The following LPIN1 variants were observed in gnomAD, a reference collection of about 807,000 sequenced individuals.
The protein encoded by LPIN1 is lipin 1, also known as phosphatidate phosphatase LPIN1.
Under a neutral mutation model 107.5 loss-of-function variants are expected in LPIN1, and 71 were observed. The ratio of observed to expected loss-of-function variants is 0.66; its 90% confidence interval spans 0.55 to 0.80. The LOEUF (loss-of-function observed/expected upper bound fraction) is 0.80. Ranked by LOEUF, LPIN1 falls within the 30% of genes least tolerant of loss-of-function variation. LPIN1 has a pLI of 0.00. For missense variants in LPIN1, 1,043 were observed against 1,160.6 expected, an observed-to-expected ratio of 0.90 and a Z score of 1.47; for synonymous variants, 445 against 452.6, an observed-to-expected ratio of 0.98 and a Z score of 0.21.
Position 11,804,484 on chromosome 2 carries a change from A to G in LPIN1, c.2075A>G (p.Gln692Arg), listed in dbSNP as rs1379887925. ...DVVFSVTTQY[Q>R]GTCRCEGTIY... ...GTTTTCAGTGTCACCACGCAGTACCAAGGCACGTGCCGCTGTGAGGGCACC... is the reference window on the plus strand; with the variant it reads ...GTTTTCAGTGTCACCACGCAGTACCGAGGCACGTGCCGCTGTGAGGGCACC... Residue 692 changes from glutamine (Q) to arginine (R), a missense_variant, in exon 16 of 21, where the codon CAA becomes CGA. Transcript: ENST00000674199. 2 of 1,614,204 alleles carry G rather than the reference A, an allele frequency of 1.2e-6. No individual in the cohort carries two copies. The highest frequency in any genetic ancestry group is 1.7e-6 in the Non-Finnish European group (2 of 1,180,018).
intron 1 of LPIN1, among the ~76,000 whole-genome samples, chr2:11,760,997 AATCC>A (rs1669736765): frequency 6.6e-6 from 1 of 152,204 alleles, no homozygotes; most frequent in African/African-American, 2.4e-5. Flanking sequence ...GGGGCGTGTC[AATCC>A]AGAGAGCCCC....
chr2:11,722,006 T>C (rs575205259), upstream of LPIN1: 1 of 151,960 alleles, frequency 6.6e-6, no homozygotes, highest in East Asian at 1.9e-4. Context: ...CCAATTGGTT[T>C]TGCAAGAGAT....
intron 1 of LPIN1, among the ~76,000 whole-genome samples, chr2:11,705,279 T>G (rs532417753): frequency 2.4e-4 from 37 of 152,328 alleles, no homozygotes; most frequent in African/African-American, 8.4e-4. Flanking sequence ...TGAGCTCAAC[T>G]GTATATTGAA....
intron 1 of LPIN1, among the ~76,000 whole-genome samples, chr2:11,690,321 A>C (rs1662206852): frequency 6.6e-6 from 1 of 152,192 alleles, no homozygotes; most frequent in Admixed American, 6.5e-5. Context: ...AGCTCATTAT[A>C]AAATTATAGG....
intron 1 of LPIN1, among the ~76,000 whole-genome samples, chr2:11,695,282 G>GA (rs1207472692): frequency 6.6e-6 from 1 of 152,160 alleles, no homozygotes; most frequent in African/African-American, 2.4e-5. Context: ...AAGTGCAATG[G>GA]AAAAAAATGA....
At chr2:11,728,327 T>C (rs937618313) in intron 1 of LPIN1, among the ~76,000 whole-genome samples, 1 of 152,188 alleles carries the variant, frequency 6.6e-6, no homozygotes, top group African/African-American at 2.4e-5. Context: ...TTTTAACTGG[T>C]ATATTCATTG....
chr2:11,720,171 C>T (rs1664027075), upstream of LPIN1, among the ~76,000 whole-genome samples: 1 of 152,098 alleles, frequency 6.6e-6, no homozygotes, highest in African/African-American at 2.4e-5. Flanking sequence ...GCAGTGATAC[C>T]TTTAACACCA....
At chr2:11,688,618 G>T (rs1662126661) in intron 1 of LPIN1, among the ~76,000 whole-genome samples, 1 of 152,210 alleles carries the variant, frequency 6.6e-6, no homozygotes, top group African/African-American at 2.4e-5. Context: ...GTCACGCTGA[G>T]ACCCGGGACA....
chr2:11,815,593 C>T (rs970504581), intron 18 of LPIN1, among the ~76,000 whole-genome samples: 5 of 152,032 alleles, frequency 3.3e-5, no homozygotes, highest in African/African-American at 9.7e-5. Context: ...TTGGGTCACT[C>T]TCCTGCTCCA....
intron 1 of LPIN1, among the ~76,000 whole-genome samples, chr2:11,713,142 T>C: frequency 6.6e-6 from 1 of 152,206 alleles, no homozygotes; most frequent in Non-Finnish European, 1.5e-5. Flanking sequence ...TTATGATCCA[T>C]GTGCTTTGGG....
At chr2:11,739,442 A>C (rs1458699086) in intron 1 of LPIN1, among the ~76,000 whole-genome samples, 1 of 152,256 alleles carries the variant, frequency 6.6e-6, no homozygotes, top group African/African-American at 2.4e-5. Flanking sequence ...TTTATGCAAC[A>C]AAAACTACAT....
upstream of LPIN1, among the ~76,000 whole-genome samples, chr2:11,720,009 C>T (rs1664016789): frequency 6.6e-6 from 1 of 152,024 alleles, no homozygotes; most frequent in Non-Finnish European, 1.5e-5. Context: ...CTTCTCCCAC[C>T]CCAGTGGGCA....
At chr2:11,709,291 T>C (rs1663285722) in intron 1 of LPIN1, among the ~76,000 whole-genome samples, 3 of 152,162 alleles carry the variant, frequency 2.0e-5, no homozygotes, top group African/African-American at 4.8e-5. Flanking sequence ...GGTGTATGCA[T>C]GTAGATGCAG....
intron 1 of LPIN1, among the ~76,000 whole-genome samples, chr2:11,734,945 C>T (rs978928609): frequency 6.6e-6 from 1 of 152,178 alleles, no homozygotes; most frequent in African/African-American, 2.4e-5. Flanking sequence ...AGCTGCACAG[C>T]TCCTTTGACG....
chr2:11,817,931 CAAAAAAAAAAAAAAAAAAA>C (rs34888081), intron 18 of LPIN1: 1 of 25,536 alleles, frequency 3.9e-5, no homozygotes, highest in African/African-American at 1.2e-4. Flanking sequence ...GACTCTGTCT[CAAAAAAAAAAAAAAAAAAA>C]AAAAAAAAAA....
chr2:11,776,294 A>G (rs1672673589), intron 6 of LPIN1, 101 bp downstream of exon 6: 1 of 655,680 alleles, frequency 1.5e-6, no homozygotes, highest in East Asian at 2.9e-5. Context: ...TTACTTATGA[A>G]GAAAATACCT....
chr2:11,815,065 T>G, intron 17 of LPIN1, 23 bp from the exon 18 acceptor site: 1 of 1,612,444 alleles, frequency 6.2e-7, no homozygotes, highest in Non-Finnish European at 8.5e-7. Flanking sequence ...TGCCATGAAA[T>G]GTGAATGTTT....
chr2:11,749,218 C>A (rs556585319), intron 1 of LPIN1, among the ~76,000 whole-genome samples: 4 of 152,168 alleles, frequency 2.6e-5, no homozygotes, highest in Non-Finnish European at 4.4e-5. Context: ...AGGTGCCTAT[C>A]GGATGGCTGT....
chr2:11,802,352 G>A (rs953193463), intron 14 of LPIN1, among the ~76,000 whole-genome samples: 21 of 152,196 alleles, frequency 1.4e-4, no homozygotes, highest in African/African-American at 4.8e-4. Flanking sequence ...GGGAAGTAAG[G>A]CGTATTCCTT....
Sources: allele counts gnomAD v4.1 joint callset (sites outside exome capture counted in the v4.1 genomes callset), GRCh38; gene constraint gnomAD v4.1.1; transcripts MANE v1.5; gene names NCBI Gene and HGNC (gene_info 2026-07-23, HGNC 2026-07-21).